Variants in AP1G1 observed in about 807,000 individuals in gnomAD.
AP1G1 encodes AP-1 complex subunit gamma-1.
AP1G1 carries 7 observed loss-of-function variants against 108.3 expected under a neutral mutation model. The observed-to-expected ratio is 0.06, with a 90% CI of 0.04 to 0.12. The LOEUF is 0.12. Ranked by LOEUF, AP1G1 falls within the 10% of genes least tolerant of loss-of-function variation. The probability of loss-of-function intolerance (pLI) is 1.00; values close to 1 mark genes in which losing one functional copy is unlikely to be tolerated. For synonymous variants in AP1G1, 379 were observed against 353.5 expected, an observed-to-expected ratio of 1.07 and a Z score of -0.81; for missense variants, 756 against 1,010.7, an observed-to-expected ratio of 0.75 and a Z score of 3.42.
chr16:71,730,155 A>T lies in AP1G1; in HGVS notation c.*2903T>A, dbSNP rs561020317. On this transcript the variant is annotated 3_prime_UTR_variant, in exon 23 of 23. Transcript: ENST00000299980. Reference sequence around the variant, plus strand: ...AAGACCTTAAAATTAACAGATGATCACTATGCACAGCCTAAAACTTCCGTG... The same window carrying T: ...AAGACCTTAAAATTAACAGATGATCTCTATGCACAGCCTAAAACTTCCGTG... The T allele has an allele frequency of 3.3e-5, 5 of 152,756 alleles. No individual in the cohort carries two copies. Among genetic ancestry groups the T allele is most frequent in the Non-Finnish European group, 7.3e-5 (5 of 68,034 alleles). The allele number at this position is 152,756 out of a possible 1,614,324, so 9.5% of individuals were successfully genotyped here.
intron 1 of AP1G1, chr16:71,808,108 G>C (rs2033059689): frequency 8.7e-7 from 1 of 1,153,208 alleles, no homozygotes; most frequent in Admixed American, 4.2e-5. Context: ...CAATCAGGAA[G>C]ACCGGGAGAA....
chr16:71,785,730 A>C (rs1254486889), intron 2 of AP1G1, among the ~76,000 whole-genome samples: 4 of 152,032 alleles, frequency 2.6e-5, no homozygotes, highest in Non-Finnish European at 5.9e-5. Context: ...AAACACAAAA[A>C]AATTAGCCAG....
intron 1 of AP1G1, among the ~76,000 whole-genome samples, chr16:71,794,754 A>G (rs762415937): frequency 7.0e-6 from 1 of 142,450 alleles, no homozygotes; most frequent in Non-Finnish European, 1.5e-5. Context: ...GAAGATGGCT[A>G]TTTTCCAACA....
intron 4 of AP1G1, 25 bp from the exon 5 acceptor site, chr16:71,771,277 A>T (rs2031558981): frequency 7.1e-7 from 1 of 1,410,738 alleles, no homozygotes; most frequent in Non-Finnish European, 9.6e-7. Context: ...ATAAAAGAAC[A>T]AAAGGTTTAT....
chr16:71,733,614 C>G (rs912259745), intron 22 of AP1G1, among the ~76,000 whole-genome samples: 44 of 152,090 alleles, frequency 2.9e-4, no homozygotes, highest in African/African-American at 9.7e-4. Flanking sequence ...AATACACCCA[C>G]CTCAGCCTCC....
At chr16:71,802,729 CA>C (rs910650122) in intron 1 of AP1G1, among the ~76,000 whole-genome samples, 1 of 148,018 alleles carries the variant, frequency 6.8e-6, no homozygotes, top group Non-Finnish European at 1.5e-5. Flanking sequence ...GACTCTGTCT[CA>C]AAAAAAAAAT....
intron 21 of AP1G1, among the ~76,000 whole-genome samples, chr16:71,736,617 G>A (rs1320344867): frequency 5.5e-5 from 8 of 145,874 alleles, no homozygotes; most frequent in African/African-American, 7.7e-5. Context: ...GACGAGTCTC[G>A]CTCTGTTGCC....
chr16:71,781,828 TTATCTAGGTTATA>T (rs2032029389), intron 2 of AP1G1, among the ~76,000 whole-genome samples: 1 of 152,208 alleles, frequency 6.6e-6, no homozygotes, highest in Non-Finnish European at 1.5e-5. Context: ...ACTGGAAAAT[TTATCTAGGTTATA>T]TACCTAAGGA....
chr16:71,800,768 T>G (rs1477020071), intron 1 of AP1G1, among the ~76,000 whole-genome samples: 3 of 151,232 alleles, frequency 2.0e-5, no homozygotes, highest in African/African-American at 7.3e-5. Context: ...GCCACTGCAC[T>G]CCAGCCTGGG....
intron 1 of AP1G1, 144 bp downstream of exon 1, chr16:71,808,619 G>A (rs2033083185): frequency 1.6e-6 from 2 of 1,289,692 alleles, no homozygotes; most frequent in African/African-American, 3.0e-5. Flanking sequence ...GGCCTCTCCT[G>A]GCCCAGCTTC....
chr16:71,805,734 T>G (rs572617461), intron 1 of AP1G1, among the ~76,000 whole-genome samples: 175 of 152,330 alleles, frequency 1.1e-3, no homozygotes, highest in African/African-American at 4.0e-3. Flanking sequence ...TTTTTAAATT[T>G]GTATAAATTA....
At position 71,765,576 on chromosome 16, in the gene AP1G1, G is replaced by C; in HGVS notation, c.651C>G (p.Pro217=). The stretch of plus-strand genomic sequence containing the variant: ...GGTTCTTTAAAATACGAACTAATTG[G>C]GGCACAAGCTGCAGAGAAGAAAGAT... ...DMLAHFRKLV[P]QLVRILKNLI... Residue 217 remains proline (P), a synonymous_variant, in exon 7 of 23, where the codon CCC becomes CCG. Coordinates refer to ENST00000299980, the MANE Select transcript of AP1G1 (RefSeq NM_001128.6). 6.2e-7 allele frequency: 1 copy of C among 1,611,400 alleles called. No homozygotes were observed. Among genetic ancestry groups the C allele is most frequent in the Non-Finnish European group, 8.5e-7 (1 of 1,177,850 alleles).
intron 5 of AP1G1, 63 bp from the exon 6 acceptor site, chr16:71,769,762 AC>A: frequency 7.3e-7 from 1 of 1,369,504 alleles, no homozygotes; most frequent in Non-Finnish European, 1.0e-6. Flanking sequence ...ATAGAACAGG[AC>A]TTTGAGTTCC....
At position 71,745,232 on chromosome 16, in the gene AP1G1, T is replaced by C; in HGVS notation, c.1911A>G (p.Ile637Met). The C allele has an allele frequency of 6.2e-7, 1 of 1,614,198 alleles. No homozygotes were observed. The highest frequency in any genetic ancestry group is 8.5e-7 in the Non-Finnish European group (1 of 1,180,022). The change falls in exon 19 of 23, where the codon ATA becomes ATG. Residue 637 changes from isoleucine to methionine, a missense_variant. Coordinates refer to ENST00000299980, the MANE Select transcript of AP1G1 (RefSeq NM_001128.6). ...DLLDLLGGND[I>M]TPVIPTAPTS... Reference sequence around the variant, plus strand: ...TAGGCGCAGTTGGAATAACAGGTGTTATGTCATTTCCTCCCAACAAATCCA... The same window carrying C: ...TAGGCGCAGTTGGAATAACAGGTGTCATGTCATTTCCTCCCAACAAATCCA...
intron 2 of AP1G1, among the ~76,000 whole-genome samples, chr16:71,778,683 AAAAAAAAAAAAAGAAAGAAAG>A (rs1332924720): frequency 1.0e-3 from 3 of 2,978 alleles, no homozygotes; most frequent in Non-Finnish European, 1.8e-3. Flanking sequence ...ATTCTGTCTT[AAAAAAAAAAAAAGAAAGAAAG>A]AAAAAAAAAA....
At chr16:71,771,754 A>G (rs1002158418) in intron 4 of AP1G1, among the ~76,000 whole-genome samples, 21 of 152,236 alleles carry the variant, frequency 1.4e-4, no homozygotes, top group African/African-American at 5.1e-4. Flanking sequence ...AACAATCTCA[A>G]TCTGTGATAA....
intron 7 of AP1G1, 44 bp downstream of exon 7, chr16:71,765,445 T>A: frequency 1.4e-6 from 2 of 1,431,616 alleles, no homozygotes; most frequent in South Asian, 1.2e-5. Flanking sequence ...CTTAAAGATA[T>A]TAAATTCATA....
chr16:71,757,878 GT>G (rs1405063092), intron 11 of AP1G1, among the ~76,000 whole-genome samples: 1 of 152,150 alleles, frequency 6.6e-6, no homozygotes, highest in Non-Finnish European at 1.5e-5. Context: ...TAAGGTTTAG[GT>G]TAAGTCATTT....
At chr16:71,746,552 A>G in intron 17 of AP1G1, 36 bp downstream of exon 17, 1 of 1,295,416 alleles carries the variant, frequency 7.7e-7, no homozygotes, top group Non-Finnish European at 1.1e-6. Flanking sequence ...TCAGGATGCT[A>G]AGAGATACAC....
Sources: gnomAD v4.1 joint callset for allele counts (sites outside exome capture counted in the v4.1 genomes callset) on GRCh38, gnomAD v4.1.1 for gene constraint, MANE v1.5 for transcripts, NCBI Gene and HGNC (gene_info 2026-07-23, HGNC 2026-07-21) for gene names.